The following MAPKAP1 variants were observed in gnomAD, a reference collection of about 807,000 sequenced individuals.
The protein encoded by MAPKAP1 is MAPK associated protein 1, also known as target of rapamycin complex 2 subunit MAPKAP1.
A neutral mutation model predicts 65.7 loss-of-function variants in MAPKAP1; 20 were observed. The ratio of observed to expected loss-of-function variants is 0.30; its 90% CI spans 0.21 to 0.44. The LOEUF (loss-of-function observed/expected upper bound fraction) is 0.44, where lower values mean the gene tolerates loss of function less well. MAPKAP1 is among the 20% of genes least tolerant of loss of function. MAPKAP1 has a pLI of 1.00. For synonymous variants in MAPKAP1, 222 were observed against 244.3 expected, an observed-to-expected ratio of 0.91 and a Z score of 0.85; for missense variants, 423 against 648.0, an observed-to-expected ratio of 0.65 and a Z score of 3.77.
intron 4 of MAPKAP1, among the ~76,000 whole-genome samples, chr9:125,610,364 C>T (rs996248323): frequency 6.6e-6 from 1 of 152,182 alleles, no homozygotes; most frequent in African/African-American, 2.4e-5. Flanking sequence ...TTTTATCTGA[C>T]TCAATACACT....
intron 6 of MAPKAP1, among the ~76,000 whole-genome samples, chr9:125,558,467 T>G (rs1018672652): frequency 1.3e-5 from 2 of 152,186 alleles, no homozygotes; most frequent in Admixed American, 6.5e-5. Flanking sequence ...TATTCTTTCT[T>G]TGCTCAAGGG....
intron 4 of MAPKAP1, among the ~76,000 whole-genome samples, chr9:125,648,001 A>G (rs1460527093): frequency 6.6e-6 from 1 of 151,028 alleles, no homozygotes; most frequent in Non-Finnish European, 1.5e-5. Flanking sequence ...TGCCCAATCC[A>G]TATAACTGAT....
intron 10 of MAPKAP1, among the ~76,000 whole-genome samples, chr9:125,454,574 G>A (rs980675286): frequency 6.6e-6 from 1 of 152,122 alleles, no homozygotes; most frequent in African/African-American, 2.4e-5. Flanking sequence ...TATAAGTACT[G>A]AACATCATGA....
intron 8 of MAPKAP1, among the ~76,000 whole-genome samples, chr9:125,503,779 C>T (rs1254876563): frequency 4.0e-5 from 6 of 149,986 alleles, no homozygotes; most frequent in East Asian, 2.0e-4. Flanking sequence ...TGCAGTGGCA[C>T]GATCTGAGCT....
chr9:125,536,434 T>C (rs372465736), intron 7 of MAPKAP1, among the ~76,000 whole-genome samples: 4 of 152,218 alleles, frequency 2.6e-5, no homozygotes, highest in African/African-American at 9.6e-5. Flanking sequence ...AATAGGTCAC[T>C]GGATATAGAG....
intron 8 of MAPKAP1, among the ~76,000 whole-genome samples, chr9:125,491,222 T>C (rs1199320077): frequency 3.3e-5 from 5 of 151,308 alleles, no homozygotes; most frequent in African/African-American, 1.2e-4. Context: ...GGTGGGTGGA[T>C]TGCTTGAGTC....
intron 11 of MAPKAP1, among the ~76,000 whole-genome samples, chr9:125,441,980 T>A (rs1290344494): frequency 1.3e-5 from 2 of 151,542 alleles, no homozygotes; most frequent in Non-Finnish European, 2.9e-5. Context: ...TAGAAAAAAA[T>A]TAGCTGGGCT....
intron 7 of MAPKAP1, among the ~76,000 whole-genome samples, chr9:125,526,930 C>G (rs1169836575): frequency 2.7e-5 from 4 of 147,398 alleles, no homozygotes; most frequent in African/African-American, 1.0e-4. Context: ...TGTGCCACCA[C>G]GCCCAGCTAA....
intron 8 of MAPKAP1, among the ~76,000 whole-genome samples, chr9:125,498,969 A>G (rs984839386): frequency 1.3e-5 from 2 of 152,210 alleles, no homozygotes; most frequent in African/African-American, 4.8e-5. Context: ...TCCATTATTT[A>G]TTAATTACAG....
At chr9:125,441,028 A>C (rs1852461183) in intron 11 of MAPKAP1, among the ~76,000 whole-genome samples, 1 of 152,246 alleles carries the variant, frequency 6.6e-6, no homozygotes, top group East Asian at 1.9e-4. Context: ...TTAATGTAAT[A>C]ATCAAAAGAT....
intron 7 of MAPKAP1, among the ~76,000 whole-genome samples, chr9:125,525,901 G>A (rs1442098982): frequency 6.6e-6 from 1 of 152,104 alleles, no homozygotes; most frequent in Admixed American, 6.5e-5. Context: ...AGCCAATAGA[G>A]GAAGCATGAT....
intron 4 of MAPKAP1, among the ~76,000 whole-genome samples, chr9:125,605,559 G>A (rs1390551926): frequency 6.6e-6 from 1 of 152,176 alleles, no homozygotes; most frequent in East Asian, 1.9e-4. Flanking sequence ...ACTGCCATCT[G>A]AAGCTCACAG....
chr9:125,582,972 T>C (rs1831669731), intron 5 of MAPKAP1, among the ~76,000 whole-genome samples: 1 of 152,170 alleles, frequency 6.6e-6, no homozygotes, highest in South Asian at 2.1e-4. Context: ...AAAATCAGTA[T>C]GTCATACACT....
chr9:125,667,581 T>A (rs945287312), intron 3 of MAPKAP1, among the ~76,000 whole-genome samples: 19 of 152,236 alleles, frequency 1.2e-4, no homozygotes, highest in African/African-American at 3.9e-4. Flanking sequence ...CTGGCTAATT[T>A]TTTGTATTTT....
At chr9:125,470,884 T>G (rs1853891706) in intron 9 of MAPKAP1, among the ~76,000 whole-genome samples, 1 of 152,248 alleles carries the variant, frequency 6.6e-6, no homozygotes, top group Non-Finnish European at 1.5e-5. Context: ...AGAGCTACTT[T>G]ATCTTCATTT....
intron 6 of MAPKAP1, among the ~76,000 whole-genome samples, chr9:125,556,913 G>C (rs975063520): frequency 6.6e-6 from 1 of 152,162 alleles, no homozygotes; most frequent in Non-Finnish European, 1.5e-5. Flanking sequence ...CTGAGAAAAA[G>C]AAAATTTATT....
chr9:125,629,259 G>A (rs1348689493), intron 4 of MAPKAP1, among the ~76,000 whole-genome samples: 1 of 152,168 alleles, frequency 6.6e-6, no homozygotes, highest in South Asian at 2.1e-4. Flanking sequence ...ACACGCAAAA[G>A]AACTGAAAAC....
chr9:125,513,043 T>C (rs981691268), intron 7 of MAPKAP1: 1 of 152,246 alleles, frequency 6.6e-6, no homozygotes, highest in African/African-American at 2.4e-5. Context: ...AACCTGGTGG[T>C]TACCCACTCC....
chr9:125,619,871 A>G (rs887477453), intron 4 of MAPKAP1, among the ~76,000 whole-genome samples: 1 of 152,184 alleles, frequency 6.6e-6, no homozygotes, highest in Non-Finnish European at 1.5e-5. Context: ...AACTAGGCTA[A>G]TCTCAATATA....
Sources: allele counts gnomAD v4.1 joint callset (sites outside exome capture counted in the v4.1 genomes callset), GRCh38; gene constraint gnomAD v4.1.1; transcripts MANE v1.5; gene names NCBI Gene and HGNC (gene_info 2026-07-23, HGNC 2026-07-21).